The following ADCY2 variants were observed in gnomAD, a reference collection of about 807,000 sequenced individuals.
ADCY2 encodes adenylate cyclase type 2.
In ADCY2, 31 loss-of-function variants were observed where a neutral mutation model predicts 125.2. The ratio of observed to expected loss-of-function variants is 0.25; its 90% CI spans 0.19 to 0.33. ADCY2 has a LOEUF of 0.33. Among genes scored for constraint, ADCY2 ranks in the 10% least tolerant of loss-of-function variants. The pLI is 1.00. For synonymous variants in ADCY2, 512 were observed against 548.4 expected, an observed-to-expected ratio of 0.93 and a Z score of 0.93; for missense variants, 904 against 1,418.2, an observed-to-expected ratio of 0.64 and a Z score of 5.82.
At chr5:7,805,246 G>A (rs544188002) in intron 22 of ADCY2, among the ~76,000 whole-genome samples, 6 of 152,178 alleles carry the variant, frequency 3.9e-5, no homozygotes, top group Admixed American at 3.9e-4. Flanking sequence ...GGTTGAGCCT[G>A]GGAGGTGGAG....
At chr5:7,779,106 A>G (rs1030203746) in intron 18 of ADCY2, among the ~76,000 whole-genome samples, 17 of 152,150 alleles carry the variant, frequency 1.1e-4, no homozygotes, top group Non-Finnish European at 2.5e-4. Context: ...CCTGATACCT[A>G]CTATCAGGGC....
chr5:7,568,341 T>C (rs1735968994), intron 3 of ADCY2, among the ~76,000 whole-genome samples: 2 of 152,206 alleles, frequency 1.3e-5, no homozygotes, highest in Admixed American at 1.3e-4. Flanking sequence ...TACCTCTTAA[T>C]TAATCCTTAG....
At chr5:7,792,664 A>G (rs1744290133) in intron 20 of ADCY2, among the ~76,000 whole-genome samples, 1 of 152,172 alleles carries the variant, frequency 6.6e-6, no homozygotes, top group Non-Finnish European at 1.5e-5. Context: ...CAAGCATCAG[A>G]ATACAGTTAC....
intron 1 of ADCY2, among the ~76,000 whole-genome samples, chr5:7,410,059 G>C (rs1160758808): frequency 6.6e-6 from 1 of 152,050 alleles, no homozygotes; most frequent in Non-Finnish European, 1.5e-5. Context: ...ATTTTTCCTA[G>C]TAATTACTGT....
At chr5:7,550,488 A>G (rs1483717193) in intron 3 of ADCY2, among the ~76,000 whole-genome samples, 5 of 152,214 alleles carry the variant, frequency 3.3e-5, no homozygotes, top group Non-Finnish European at 1.5e-5. Flanking sequence ...ATGAAGAAGT[A>G]CTTTGGATAA....
intron 3 of ADCY2, among the ~76,000 whole-genome samples, chr5:7,564,914 G>A (rs1034815511): frequency 6.6e-6 from 1 of 152,196 alleles, no homozygotes; most frequent in Non-Finnish European, 1.5e-5. Flanking sequence ...CATCATCGGA[G>A]ACAACAGATC....
intron 22 of ADCY2, among the ~76,000 whole-genome samples, chr5:7,806,446 AG>A (rs1268817313): frequency 6.6e-6 from 1 of 152,200 alleles, no homozygotes; most frequent in Admixed American, 6.5e-5. Flanking sequence ...AGAATACCAC[AG>A]GCTGGGTGGC....
At position 7,599,111 on chromosome 5, in the gene ADCY2, G is replaced by A. The variant is rs535294185; in HGVS notation, c.571-27056G>A. 7.2e-5 allele frequency among the ~76,000 whole-genome samples: 11 copies of A among 152,140 alleles called. No homozygotes were observed. The East Asian group carries it at 1.5e-3, about 21-fold the overall frequency. On this transcript the variant is annotated intron_variant, in intron 3 of 24. Transcript: ENST00000338316. Reference sequence around the variant, plus strand: ...GTAGATTTGTGCAGGGACAGCCCCCGGGGACAGATGGATTTGTACAGGGAC... The same window carrying A: ...GTAGATTTGTGCAGGGACAGCCCCCAGGGACAGATGGATTTGTACAGGGAC...
chr5:7,759,716 G>A (rs1743133801), intron 16 of ADCY2, among the ~76,000 whole-genome samples: 1 of 152,238 alleles, frequency 6.6e-6, no homozygotes, highest in Non-Finnish European at 1.5e-5. Context: ...GCTTAATCCA[G>A]AGGGAATGGG....
At chr5:7,545,310 G>A (rs1054715530) in intron 3 of ADCY2, among the ~76,000 whole-genome samples, 3 of 152,112 alleles carry the variant, frequency 2.0e-5, no homozygotes, top group African/African-American at 7.2e-5. Flanking sequence ...GATTTACCAG[G>A]GTCAGTATCC....
At chr5:7,787,507 C>A (rs1744118189) in intron 19 of ADCY2, among the ~76,000 whole-genome samples, 1 of 152,166 alleles carries the variant, frequency 6.6e-6, no homozygotes. Flanking sequence ...GATTATTATT[C>A]AATGCATTCC....
chr5:7,614,374 T>C (rs1579236992), intron 3 of ADCY2, among the ~76,000 whole-genome samples: 1 of 152,174 alleles, frequency 6.6e-6, no homozygotes, highest in African/African-American at 2.4e-5. Flanking sequence ...GCTTCTTGGT[T>C]CACCTTTCTG....
intron 3 of ADCY2, among the ~76,000 whole-genome samples, chr5:7,625,118 A>G (rs991770390): frequency 6.6e-6 from 1 of 152,256 alleles, no homozygotes; most frequent in African/African-American, 2.4e-5. Context: ...GAAATGATCA[A>G]ATATGAAGCC....
At chr5:7,434,383 C>G (rs1207154177) in intron 2 of ADCY2, among the ~76,000 whole-genome samples, 1 of 152,202 alleles carries the variant, frequency 6.6e-6, no homozygotes, top group African/African-American at 2.4e-5. Context: ...GTCCCATATT[C>G]TTTTAACATA....
chr5:7,481,830 TC>T (rs1265046537), intron 2 of ADCY2, among the ~76,000 whole-genome samples: 1 of 152,146 alleles, frequency 6.6e-6, no homozygotes, highest in Non-Finnish European at 1.5e-5. Context: ...ATCCTATTTG[TC>T]CATTTTTTTG....
At chr5:7,599,737 G>A (rs919233344) in intron 3 of ADCY2, among the ~76,000 whole-genome samples, 1 of 152,156 alleles carries the variant, frequency 6.6e-6, no homozygotes, top group Non-Finnish European at 1.5e-5. Flanking sequence ...TGGAGCTAGA[G>A]GAGCAGAAGA....
chr5:7,478,801 G>A (rs252546), intron 2 of ADCY2, among the ~76,000 whole-genome samples: 101,222 of 151,892 alleles, frequency 0.67, 34,080 homozygotes, highest in African/African-American at 0.75. Flanking sequence ...ATTATGTATT[G>A]GAGTCATAGT....
In ADCY2 at chr5:7,829,330, G is replaced by A. The variant is rs764312235; in HGVS notation, c.*2459G>A. ...TTTTGCAGGTGAGGAAACAGGGGCA[G>A]AGTAATTCAGGCACATGTGTTCAGA... On this transcript the variant is annotated 3_prime_UTR_variant, in exon 25 of 25. Transcript: ENST00000338316. 3.3e-5 allele frequency: 5 copies of A among 152,698 alleles called. No homozygotes were observed. Among genetic ancestry groups the A allele is most frequent in the Admixed American group, 2.0e-4 (3 of 15,284 alleles). The allele number at this position is 152,698 out of a possible 1,614,324, so 9.5% of individuals were successfully genotyped here. A position where few individuals can be genotyped will look rare whatever the true frequency, so the allele number is the denominator to read the frequency against.
At chr5:7,684,861 A>G (rs1304587269) in intron 4 of ADCY2, among the ~76,000 whole-genome samples, 2 of 151,580 alleles carry the variant, frequency 1.3e-5, no homozygotes, top group African/African-American at 2.4e-5. Flanking sequence ...TAAGATATGC[A>G]TGCAAGGAAA....
Sources: gnomAD v4.1 joint callset for allele counts (sites outside exome capture counted in the v4.1 genomes callset) on GRCh38, gnomAD v4.1.1 for gene constraint, MANE v1.5 for transcripts, NCBI Gene and HGNC (gene_info 2026-07-23, HGNC 2026-07-21) for gene names.